GUCY2F: variants seen among roughly 807,000 people sequenced by gnomAD.
GUCY2F encodes the protein guanylate cyclase 2F, retinal, also known as retinal guanylyl cyclase 2.
A neutral mutation model predicts 73.1 loss-of-function variants in GUCY2F; 61 were observed. The observed-to-expected ratio is 0.83, with a 90% confidence interval of 0.68 to 1.03. The LOEUF (loss-of-function observed/expected upper bound fraction) is 1.03, where lower values mean the gene tolerates loss of function less well. Ranked by LOEUF, GUCY2F falls within the 50% of genes least tolerant of loss-of-function variation. The pLI is 0.00. For synonymous variants in GUCY2F, 331 were observed against 307.8 expected (o/e 1.08, Z -0.79); for missense variants, 912 against 854.3 (o/e 1.07, Z -0.84).
intron 3 of GUCY2F, among the ~76,000 whole-genome samples, chrX:109,463,716 C>T (rs933661456): frequency 7.2e-5 from 8 of 111,323 alleles, no homozygotes; most frequent in Non-Finnish European, 1.1e-4. Flanking sequence ...GGATTACAGG[C>T]GTGAGCCACC....
intron 8 of GUCY2F, among the ~76,000 whole-genome samples, chrX:109,423,767 T>C (rs1355861165): frequency 9.2e-6 from 1 of 108,472 alleles, no homozygotes; most frequent in Non-Finnish European, 1.9e-5. Flanking sequence ...GAGGAGATTT[T>C]CTAGCCGTAG....
chrX:109,423,756 AGAG>A (rs1569364313), intron 8 of GUCY2F, among the ~76,000 whole-genome samples: 1 of 109,002 alleles, frequency 9.2e-6, no homozygotes, highest in African/African-American at 3.3e-5. Context: ...AGCAGTGCTT[AGAG>A]GAGATTTTCT....
intron 8 of GUCY2F, among the ~76,000 whole-genome samples, chrX:109,416,274 A>G (rs1197872146): frequency 9.0e-6 from 1 of 111,605 alleles, no homozygotes; most frequent in Non-Finnish European, 1.9e-5. Flanking sequence ...CCTTTAACAC[A>G]GATTTTATAA....
chrX:109,436,935 T>C (rs1364388099), intron 7 of GUCY2F, among the ~76,000 whole-genome samples: 1 of 84,297 alleles, frequency 1.2e-5, no homozygotes, highest in Non-Finnish European at 2.4e-5. Context: ...TAAAGTATAA[T>C]AATAATAAAA....
intron 8 of GUCY2F, among the ~76,000 whole-genome samples, chrX:109,426,819 T>C: frequency 8.9e-6 from 1 of 112,161 alleles, no homozygotes; most frequent in Non-Finnish European, 1.9e-5. Flanking sequence ...AATGAAATAG[T>C]CAAGATATAT....
intron 3 of GUCY2F, among the ~76,000 whole-genome samples, chrX:109,464,376 C>T (rs1265458186): frequency 1.8e-5 from 2 of 112,296 alleles, no homozygotes; most frequent in African/African-American, 6.5e-5. Context: ...CATATAAATA[C>T]TATTTCTTGT....
intron 8 of GUCY2F, among the ~76,000 whole-genome samples, chrX:109,417,378 T>C (rs1282706493): frequency 9.0e-6 from 1 of 111,135 alleles, no homozygotes; most frequent in Non-Finnish European, 1.9e-5. Context: ...CTGTTACAAA[T>C]TTCCTATGTT....
intron 5 of GUCY2F, among the ~76,000 whole-genome samples, chrX:109,449,258 A>G (rs900762948): frequency 8.9e-6 from 1 of 112,441 alleles, no homozygotes; most frequent in Admixed American, 9.4e-5. Flanking sequence ...AGTTTTTCTC[A>G]GTGATTCCAC....
At chrX:109,470,198 T>C (rs1162252700) in intron 2 of GUCY2F, among the ~76,000 whole-genome samples, 1 of 112,248 alleles carries the variant, frequency 8.9e-6, no homozygotes, top group Non-Finnish European at 1.9e-5. Flanking sequence ...CTGTTTTTCC[T>C]AAACTGCTAT....
chrX:109,445,836 G>C (rs929085977), intron 6 of GUCY2F, among the ~76,000 whole-genome samples: 12 of 111,631 alleles, frequency 1.1e-4, no homozygotes, highest in South Asian at 3.8e-4. Context: ...GTCAAATTGT[G>C]CCTGTTTGCA....
chrX:109,374,182 T>C (rs1930123424), intron 19 of GUCY2F, among the ~76,000 whole-genome samples: 1 of 112,203 alleles, frequency 8.9e-6, no homozygotes, highest in Non-Finnish European at 1.9e-5. Flanking sequence ...AGAGGAGTGC[T>C]TGGACTTAGG....
At chrX:109,408,670 A>T (rs765576000) in intron 9 of GUCY2F, among the ~76,000 whole-genome samples, 1 of 111,927 alleles carries the variant, frequency 8.9e-6, no homozygotes, top group South Asian at 3.8e-4. Flanking sequence ...GATAGTGAAT[A>T]AGTCTCATCA....
intron 10 of GUCY2F, among the ~76,000 whole-genome samples, chrX:109,400,457 G>A (rs1301409191): frequency 1.8e-5 from 2 of 111,735 alleles, no homozygotes; most frequent in African/African-American, 6.5e-5. Flanking sequence ...ATTGGGAAGA[G>A]AGTCCAAGAA....
chrX:109,374,001 A>G (rs1930119785), intron 19 of GUCY2F, among the ~76,000 whole-genome samples: 1 of 112,167 alleles, frequency 8.9e-6, no homozygotes, highest in Non-Finnish European at 1.9e-5. Context: ...GCTCTCTTAA[A>G]GGTTTCAAGT....
chrX:109,431,918 A>G (rs1320194493), intron 7 of GUCY2F, among the ~76,000 whole-genome samples: 8 of 108,579 alleles, frequency 7.4e-5, no homozygotes, highest in African/African-American at 1.3e-4. Context: ...AAAAAAAAAA[A>G]AAAAGAAAAA....
intron 12 of GUCY2F, among the ~76,000 whole-genome samples, chrX:109,394,439 C>T (rs770431282): frequency 2.3e-4 from 26 of 112,105 alleles, no homozygotes; most frequent in Non-Finnish European, 4.9e-4. Flanking sequence ...GCTGGGGACA[C>T]GGATGACTTC....
chrX:109,386,402 G>C (rs1318426732), intron 15 of GUCY2F, among the ~76,000 whole-genome samples: 1 of 111,190 alleles, frequency 9.0e-6, no homozygotes, highest in Non-Finnish European at 1.9e-5. Context: ...CAGTGGAAAA[G>C]GGACATAAAT....
At position 109,400,325 on chromosome X, in the gene GUCY2F, AGGGAGTT is replaced by A. The variant is rs1381838982; in HGVS notation, c.2126-1634_2126-1628del. Among the ~76,000 whole-genome samples, 2 of 110,986 alleles carry A rather than the reference AGGGAGTT, an allele frequency of 1.8e-5. 1 individual carries two copies. Among genetic ancestry groups the A allele is most frequent in the Non-Finnish European group, 3.8e-5 (2 of 52,955 alleles). On this transcript the variant is annotated intron_variant, in intron 10 of 19. Coordinates refer to ENST00000218006, the MANE Select transcript of GUCY2F (RefSeq NM_001522.3). The stretch of plus-strand genomic sequence containing the variant: ...AGGCTCCCTGTGCCTTGAGAATGAG[AGGGAGTT>A]GGAGTAAACAACAAGGTGACATCCA...
intron 10 of GUCY2F, 78 bp downstream of exon 10, chrX:109,404,250 G>C (rs1930918692): frequency 2.8e-6 from 2 of 724,429 alleles, no homozygotes; most frequent in East Asian, 3.4e-5. Context: ...TCAGCCTGAG[G>C]CTTTAATTCA....
Sources: gnomAD v4.1 joint callset for allele counts (sites outside exome capture counted in the v4.1 genomes callset) on GRCh38, gnomAD v4.1.1 for gene constraint, MANE v1.5 for transcripts, NCBI Gene and HGNC (gene_info 2026-07-23, HGNC 2026-07-21) for gene names.